ARHGAP22: variants seen among roughly 807,000 people sequenced by gnomAD.
ARHGAP22 encodes Rho GTPase activating protein 22.
ARHGAP22 carries 48 observed loss-of-function variants against 59.1 expected under a neutral mutation model. That is an observed-to-expected ratio of 0.81 (90% confidence interval 0.64 to 1.03). The LOEUF (loss-of-function observed/expected upper bound fraction) is 1.03. Ranked by LOEUF, ARHGAP22 falls within the 50% of genes least tolerant of loss-of-function variation. The pLI is 0.00. For missense variants in ARHGAP22, 1,015 were observed against 958.7 expected, an observed-to-expected ratio of 1.06 and a Z score of -0.78; for synonymous variants, 445 against 416.4, an observed-to-expected ratio of 1.07 and a Z score of -0.84.
upstream of ARHGAP22, among the ~76,000 whole-genome samples, chr10:48,654,886 T>C (rs2062714789): frequency 6.8e-6 from 1 of 146,142 alleles, no homozygotes; most frequent in African/African-American, 2.6e-5. Context: ...TTTCTTTCTC[T>C]TTCTTTTCTC....
At chr10:48,463,885 G>GT (rs891063716) in intron 4 of ARHGAP22, among the ~76,000 whole-genome samples, 19 of 152,306 alleles carry the variant, frequency 1.2e-4, no homozygotes, top group Admixed American at 1.2e-3. Flanking sequence ...AACTCACAGC[G>GT]TTCAGCCCCA....
chr10:48,583,702 C>T (rs982338080), intron 1 of ARHGAP22, among the ~76,000 whole-genome samples: 1 of 152,212 alleles, frequency 6.6e-6, no homozygotes, highest in Non-Finnish European at 1.5e-5. Context: ...ACTGGCCCCA[C>T]CCAGATCTGG....
At chr10:48,447,284 G>C (rs1483052151) in intron 9 of ARHGAP22, among the ~76,000 whole-genome samples, 1 of 152,206 alleles carries the variant, frequency 6.6e-6, no homozygotes, top group East Asian at 1.9e-4. Flanking sequence ...CAGACAACCA[G>C]CTTCTGTCTT....
chr10:48,524,937 C>T (rs1021057255), intron 3 of ARHGAP22, among the ~76,000 whole-genome samples: 4 of 152,160 alleles, frequency 2.6e-5, no homozygotes, highest in African/African-American at 4.8e-5. Context: ...ACTGCTTCAC[C>T]GGATGGTTGT....
chr10:48,649,982 CGGAG>C (rs1218166245), intron 1 of ARHGAP22, among the ~76,000 whole-genome samples: 55 of 131,232 alleles, frequency 4.2e-4, no homozygotes, highest in Middle Eastern at 3.8e-3. Flanking sequence ...CTGAGAAAGA[CGGAG>C]GGAGGGAGGG....
chr10:48,446,731 C>G, intron 9 of ARHGAP22, 112 bp from the exon 10 acceptor site: 1 of 1,065,624 alleles, frequency 9.4e-7, no homozygotes, highest in Non-Finnish European at 1.3e-6. Flanking sequence ...CAAGCCATGG[C>G]GGCAGGAGGA....
intron 1 of ARHGAP22, among the ~76,000 whole-genome samples, chr10:48,644,451 G>A (rs1284103182): frequency 6.6e-6 from 1 of 152,110 alleles, no homozygotes; most frequent in East Asian, 1.9e-4. Flanking sequence ...ACATACATAG[G>A]GCACTCCTAA....
intron 4 of ARHGAP22, among the ~76,000 whole-genome samples, chr10:48,473,976 G>A (rs775691877): frequency 1.8e-4 from 27 of 152,330 alleles, no homozygotes; most frequent in Middle Eastern, 3.4e-3. Flanking sequence ...GAGGTACTGC[G>A]CCATGCATCC....
intron 2 of ARHGAP22, 99 bp downstream of exon 2, chr10:48,582,854 T>A: frequency 7.4e-7 from 1 of 1,357,048 alleles, no homozygotes; most frequent in Non-Finnish European, 1.0e-6. Flanking sequence ...TGTGATGGAG[T>A]CAGTGGCTCT....
chr10:48,439,394 T>C, the ARHGAP22 span: 1 of 151,698 alleles, frequency 6.6e-6, no homozygotes, highest in Non-Finnish European at 1.5e-5. Context: ...AAAATCTGTT[T>C]GTGGTAAAGT....
In ARHGAP22 at chr10:48,550,264, A is replaced by G. The variant is rs1000751460; in HGVS notation, c.322+5199T>C. On this transcript the variant is annotated intron_variant, in intron 3 of 9. Coordinates refer to ENST00000249601, the MANE Select transcript of ARHGAP22 (RefSeq NM_021226.4). ...ACAATTGCCTTTTTACTCTCCTCCT[A>G]GCCTTTCTCATCCTGTGAGTCAATG... Among the ~76,000 whole-genome samples, 7 of 152,110 alleles carry G rather than the reference A, an allele frequency of 4.6e-5. No homozygotes were observed. In the East Asian group the frequency reaches 1.3e-3, roughly 29 times the overall value.
Position 48,450,362 on chromosome 10 carries a change from G to A in ARHGAP22, c.1767C>T (p.Thr589=), listed in dbSNP as rs1326313866. ...CCTCGGAGCGGCGCGCGTGTTCCCG[G>A]GTGGGGCTGTCCGGCTCGCTGGGCT... ...NSEPSEPDSP[T]REHARRSEAL... The change falls in exon 9 of 10, where the codon ACC becomes ACT. Residue 589 remains threonine, a synonymous_variant. Transcript: ENST00000249601. 1 of 1,587,742 alleles carries A rather than the reference G, an allele frequency of 6.3e-7. No individual in the cohort carries two copies.
intron 4 of ARHGAP22, among the ~76,000 whole-genome samples, chr10:48,461,034 G>A (rs1164052271): frequency 6.6e-6 from 1 of 152,168 alleles, no homozygotes; most frequent in Non-Finnish European, 1.5e-5. Flanking sequence ...TTTGCAAGAT[G>A]GAAAGTGTTC....
At chr10:48,542,766 A>G (rs1186290021) in intron 3 of ARHGAP22, among the ~76,000 whole-genome samples, 2 of 152,186 alleles carry the variant, frequency 1.3e-5, no homozygotes. Flanking sequence ...CCCATCCCCA[A>G]TCCAGGTGCC....
Position 48,583,125 on chromosome 10 carries a change from TC to T in ARHGAP22, c.61del (p.Glu21SerfsTer19), listed in dbSNP as rs769508745. 1.2e-6 allele frequency: 2 copies of T among 1,614,020 alleles called. No homozygotes were observed. The highest frequency in any genetic ancestry group is 4.5e-5 in the East Asian group (2 of 44,902). ...CATCCGCCCAGGGCTCCGGCTCTGC[TC>T]CCCCATCACTAGGCTTTTGGAGCGG... ...RARSKSLVMGEQSRSPGRMPC... is the reference protein window; with the variant it reads ...RARSKSLVMGXQSRSPGRMPC... On this transcript the variant is annotated frameshift_variant, in exon 2 of 10. Coordinates refer to ENST00000249601, the MANE Select transcript of ARHGAP22 (RefSeq NM_021226.4). LOFTEE classifies it high-confidence loss of function.
chr10:48,640,435 G>T (rs2061997024), intron 1 of ARHGAP22, among the ~76,000 whole-genome samples: 1 of 152,122 alleles, frequency 6.6e-6, no homozygotes, highest in South Asian at 2.1e-4. Context: ...GCACATTAGA[G>T]ACAAACTCTT....
intron 2 of ARHGAP22, among the ~76,000 whole-genome samples, chr10:48,562,746 C>T (rs192645086): frequency 7.0e-4 from 107 of 152,302 alleles, no homozygotes; most frequent in African/African-American, 2.5e-3. Flanking sequence ...TATATTAAGA[C>T]TTACCAAACT....
upstream of ARHGAP22, among the ~76,000 whole-genome samples, chr10:48,652,875 C>A (rs1295137083): frequency 6.6e-6 from 1 of 152,194 alleles, no homozygotes; most frequent in African/African-American, 2.4e-5. Flanking sequence ...CCATGTGAGA[C>A]CCTCACCAGG....
Position 48,456,099 on chromosome 10 carries a change from G to A in ARHGAP22, c.660-965C>T, listed in dbSNP as rs528751837. ...AAACGAGAGCCTTGGCATCTCCTCC[G>A]AGCTTGCGTTCCAAGCCGTATATGG... On this transcript the variant is annotated intron_variant, in intron 5 of 9. Transcript: ENST00000249601. Among the ~76,000 whole-genome samples the A allele has an allele frequency of 5.3e-5, 8 of 152,248 alleles. No homozygotes were observed. In the South Asian group the frequency reaches 6.2e-4, roughly 12 times the overall value.
Sources: allele counts gnomAD v4.1 joint callset (sites outside exome capture counted in the v4.1 genomes callset), GRCh38; gene constraint gnomAD v4.1.1; transcripts MANE v1.5; gene names NCBI Gene and HGNC (gene_info 2026-07-23, HGNC 2026-07-21).